NASP: variants seen among roughly 807,000 people sequenced by gnomAD.
The protein encoded by NASP is nuclear autoantigenic sperm protein.
NASP carries 24 observed loss-of-function variants against 89.5 expected under a neutral mutation model. The observed-to-expected ratio is 0.27, with a 90% CI of 0.19 to 0.38. NASP has a LOEUF of 0.38. Among genes scored for constraint, NASP ranks in the 10% least tolerant of loss-of-function variants. The pLI, the probability that NASP is intolerant of heterozygous loss-of-function variation, is 1.00. For synonymous variants in NASP, 306 were observed against 324.7 expected, an observed-to-expected ratio of 0.94 and a Z score of 0.62; for missense variants, 848 against 921.4, an observed-to-expected ratio of 0.92 and a Z score of 1.03.
intron 3 of NASP, among the ~76,000 whole-genome samples, chr1:45,604,294 CCTT>C (rs1643884217): frequency 6.6e-6 from 1 of 152,168 alleles, no homozygotes; most frequent in Admixed American, 6.5e-5. Context: ...TAATTTTTGT[CCTT>C]CTTCCTTCTG....
intron 2 of NASP, among the ~76,000 whole-genome samples, chr1:45,593,889 C>T (rs769440078): frequency 6.6e-5 from 10 of 150,908 alleles, no homozygotes; most frequent in Admixed American, 2.6e-4. Context: ...ATTAACTGTT[C>T]GTTGTGGCAC....
intron 2 of NASP, among the ~76,000 whole-genome samples, chr1:45,597,873 A>G (rs1442914227): frequency 6.6e-6 from 1 of 152,192 alleles, no homozygotes; most frequent in Non-Finnish European, 1.5e-5. Context: ...GATTACTTAT[A>G]TCAGCCCACT....
At position 45,615,066 on chromosome 1, in the gene NASP, C is replaced by A. The variant is rs1280520985; in HGVS notation, c.1720C>A (p.Gln574Lys). ...CCAGTCCTGCCTTAACCTGCAGGAA[C>A]AGTACCTGGAAGCCCACGACCGTCT... ...EFQSCLNLQE[Q>K]YLEAHDRLLA... Residue 574 changes from glutamine (Q) to lysine (K), a missense_variant, in exon 10 of 15, where the codon CAG becomes AAG. Gln to Lys is a moderately conservative substitution (Grantham distance 53). This residue lies in a region of NASP where 60 missense variants were observed against 114.6 expected (regional missense o/e 0.52). Transcript: ENST00000350030. 6.2e-7 allele frequency: 1 copy of A among 1,614,024 alleles called. No homozygotes were observed. Among genetic ancestry groups the A allele is most frequent in the Admixed American group, 1.7e-5 (1 of 59,990 alleles).
chr1:45,606,030 C>T (rs192284025), intron 4 of NASP, among the ~76,000 whole-genome samples: 61 of 152,328 alleles, frequency 4.0e-4, no homozygotes, highest in South Asian at 3.1e-3. Context: ...CCTGCCTCCA[C>T]CTCCCAAAGT....
At chr1:45,607,129 T>C in intron 5 of NASP, 192 bp from the exon 6 acceptor site, 1 of 597,974 alleles carries the variant, frequency 1.7e-6, no homozygotes, top group East Asian at 2.8e-5. Context: ...TTGGGTTTCT[T>C]TTGCAGTAAG....
intron 1 of NASP, chr1:45,588,569 T>C (rs994718916): frequency 2.3e-6 from 1 of 437,804 alleles, no homozygotes; most frequent in African/African-American, 2.1e-5. Context: ...TGTATGGGAG[T>C]ACAATTTCTC....
chr1:45,606,460 G>A, intron 4 of NASP, 22 bp from the exon 5 acceptor site: 2 of 1,573,734 alleles, frequency 1.3e-6, no homozygotes, highest in Middle Eastern at 1.7e-4. Flanking sequence ...CAAACCTTTG[G>A]TGCTTTCTTT....
chr1:45,601,735 C>T (rs956175893), intron 2 of NASP, among the ~76,000 whole-genome samples: 5 of 140,096 alleles, frequency 3.6e-5, no homozygotes, highest in South Asian at 2.3e-4. Flanking sequence ...TTAGATGAGC[C>T]GTTAAGAGAA....
In NASP at chr1:45,607,437, A is replaced by G. The variant is rs144479143; in HGVS notation, c.526A>G (p.Ser176Gly). 259 of 1,613,766 alleles carry G rather than the reference A, an allele frequency of 1.6e-4. No homozygotes were observed. The highest frequency in any genetic ancestry group is 2.0e-4 in the Non-Finnish European group (241 of 1,179,946). The part of the protein sequence containing the change: ...AKPETDKEQD[S>G]EMEKGGREDM... ...GCCTGAAACTGATAAAGAACAGGAC[A>G]GTGAAATGGAGAAGGGTGGAAGAGA... The change falls in exon 6 of 15, where the codon AGT becomes GGT. Residue 176 changes from serine to glycine, a missense_variant. Around this residue, in one of 5 missense-constraint regions of NASP, gnomAD observed 464 missense variants for 469.4 expected, o/e 0.99. Coordinates refer to ENST00000350030, the MANE Select transcript of NASP (RefSeq NM_002482.4).
intron 5 of NASP, chr1:45,607,116 A>G: frequency 3.5e-6 from 2 of 576,730 alleles, no homozygotes; most frequent in East Asian, 2.9e-5. Context: ...TAGTGTAACA[A>G]GCTTGGGTTT....
chr1:45,601,745 ATTTTTTTTTTT>A lies in NASP; in HGVS notation c.108-492_108-482del, dbSNP rs71056316. ...TGTGATTAGATGAGCCGTTAAGAGA[ATTTTTTTTTTT>A]TTTTTTTTTTTTTTTTTGAGGTGGA... On this transcript the variant is annotated intron_variant, in intron 2 of 14. Coordinates refer to ENST00000350030, the MANE Select transcript of NASP (RefSeq NM_002482.4). Among the ~76,000 whole-genome samples the A allele has an allele frequency of 5.2e-3, 360 of 68,954 alleles. 9 individuals are homozygous for A. The highest frequency in any genetic ancestry group is 0.05 in the East Asian group (103 of 2,060). The allele number at this position is 68,954 out of a possible 152,430, so 45.2% of individuals were successfully genotyped here.
intron 5 of NASP, chr1:45,606,830 A>T (rs1643915646): frequency 2.4e-6 from 1 of 418,952 alleles, no homozygotes; most frequent in South Asian, 4.1e-5. Flanking sequence ...GGGGTTTTTT[A>T]AATCAAAAAG....
Position 45,607,315 on chromosome 1 carries a change from A to G in NASP, c.410-6A>G, listed in dbSNP as rs758667075. The G allele has an allele frequency of 3.7e-6, 6 of 1,613,290 alleles. No individual in the cohort carries two copies. The Admixed American group carries it at 8.4e-5, about 22-fold the overall frequency. ...TGTTTATGCTTCATGTTCTTTAACC[A>G]TGTAGAGGAAGCAAGGGAAGAGTTG... On this transcript the variant is annotated splice_polypyrimidine_tract_variant and splice_region_variant and intron_variant, in intron 5 of 14. Transcript: ENST00000350030.
Position 45,615,023 on chromosome 1 carries a change from G to T in NASP, c.1677G>T (p.Val559=). ...TTTTCTCTTTGTTAGAAAACTATGT[G>T]CAAGCTGTGGAGGAGTTCCAGTCCT... The part of the protein sequence containing the change: ...GEVSVESENY[V]QAVEEFQSCL... The change falls in exon 10 of 15, where the codon GTG becomes GTT. Residue 559 remains valine (V), a synonymous_variant. Transcript: ENST00000350030. 5 of 1,609,180 alleles carry T rather than the reference G, an allele frequency of 3.1e-6. No homozygotes were observed. Among genetic ancestry groups the T allele is most frequent in the Non-Finnish European group, 4.2e-6 (5 of 1,178,478 alleles).
chr1:45,591,291 G>A, intron 2 of NASP, 21 bp downstream of exon 2: 1 of 1,433,618 alleles, frequency 7.0e-7, no homozygotes, highest in Non-Finnish European at 9.5e-7. Flanking sequence ...TTACATGGTA[G>A]TTAGATTCGT....
At chr1:45,603,443 T>C (rs776389472) in intron 3 of NASP, among the ~76,000 whole-genome samples, 22 of 152,152 alleles carry the variant, frequency 1.4e-4, no homozygotes, top group Non-Finnish European at 2.8e-4. Flanking sequence ...AATCCATTCT[T>C]TTCCTAAACC....
chr1:45,594,853 T>C, intron 2 of NASP: 1 of 350,690 alleles, frequency 2.9e-6, no homozygotes, highest in Admixed American at 3.1e-5. Flanking sequence ...ACATGAAGGA[T>C]GGTTGGAAAA....
chr1:45,584,184 C>G lies in NASP; in HGVS notation c.38C>G (p.Ala13Gly), dbSNP rs1228011348. Residue 13 changes from alanine to glycine, a missense_variant, in exon 1 of 15, where the codon GCG becomes GGG. Transcript: ENST00000350030. ...MESTATAAVA[A>G]ELVSADKIED... Reference sequence around the variant, plus strand: ...TCCACAGCCACTGCCGCCGTCGCCGCGGAGCTGGTTTCTGCCGACAAGTAA... The same window carrying G: ...TCCACAGCCACTGCCGCCGTCGCCGGGGAGCTGGTTTCTGCCGACAAGTAA... 1 of 1,595,938 alleles carries G rather than the reference C, an allele frequency of 6.3e-7. No individual in the cohort carries two copies. Among genetic ancestry groups the G allele is most frequent in the Admixed American group, 1.7e-5 (1 of 57,206 alleles).
chr1:45,611,079 A>G (rs936803324), intron 6 of NASP: 1 of 152,146 alleles, frequency 6.6e-6, no homozygotes, highest in Non-Finnish European at 1.5e-5. Flanking sequence ...TAGTTCCCCA[A>G]AGTTAGACCA....
Sources: gnomAD v4.1 joint callset for allele counts (sites outside exome capture counted in the v4.1 genomes callset) on GRCh38, gnomAD v4.1.1 for gene constraint, gnomAD v4.1.1 regional missense constraint, MANE v1.5 for transcripts, NCBI Gene and HGNC (gene_info 2026-07-23, HGNC 2026-07-21) for gene names.